The following ZNF423 variants were observed in gnomAD, a reference collection of about 807,000 sequenced individuals.
The protein encoded by ZNF423 is Ebf-associated zinc finger protein.
A neutral mutation model predicts 95.8 loss-of-function variants in ZNF423; 12 were observed. That is an observed-to-expected ratio of 0.13 (90% CI 0.08 to 0.20). ZNF423 has a LOEUF of 0.20. ZNF423 is among the 10% of genes least tolerant of loss of function. The pLI is 1.00. For missense variants in ZNF423, 1,316 were observed against 1,737.1 expected, an observed-to-expected ratio of 0.76 and a Z score of 4.31; for synonymous variants, 749 against 711.9, an observed-to-expected ratio of 1.05 and a Z score of -0.83.
At chr16:49,639,129 A>G (rs1423804597) in intron 3 of ZNF423, among the ~76,000 whole-genome samples, 1 of 152,210 alleles carries the variant, frequency 6.6e-6, no homozygotes, top group Admixed American at 6.5e-5. Context: ...TGGACCTGGC[A>G]GGACATGATA....
chr16:49,493,964 T>C (rs955569893), intron 7 of ZNF423, among the ~76,000 whole-genome samples: 2 of 152,126 alleles, frequency 1.3e-5, no homozygotes, highest in African/African-American at 4.8e-5. Context: ...TGATATTCGA[T>C]CTCCACAAAA....
intron 2 of ZNF423, among the ~76,000 whole-genome samples, chr16:49,733,554 C>T (rs1229017355): frequency 6.6e-6 from 1 of 152,134 alleles, no homozygotes; most frequent in Non-Finnish European, 1.5e-5. Flanking sequence ...ATAAAGTCAT[C>T]CAAGAGTATA....
chr16:49,710,656 G>A (rs1240040516), intron 3 of ZNF423, among the ~76,000 whole-genome samples: 1 of 152,152 alleles, frequency 6.6e-6, no homozygotes, highest in African/African-American at 2.4e-5. Context: ...GCTCTTAATG[G>A]TGGGAAAACA....
intron 3 of ZNF423, among the ~76,000 whole-genome samples, chr16:49,655,565 G>A (rs16947798): frequency 0.14 from 21,112 of 152,200 alleles, 1,693 homozygotes; most frequent in East Asian, 0.21. Context: ...AGTCACTGTG[G>A]ACAGCAGAAG....
intron 7 of ZNF423, among the ~76,000 whole-genome samples, chr16:49,523,345 A>T (rs1242502356): frequency 2.0e-5 from 3 of 152,246 alleles, no homozygotes. Context: ...GGGAAATTGG[A>T]ATCCCCAAGA....
At chr16:49,549,195 G>T in intron 5 of ZNF423, among the ~76,000 whole-genome samples, 1 of 152,192 alleles carries the variant, frequency 6.6e-6, no homozygotes, top group East Asian at 1.9e-4. Flanking sequence ...TCCTGGGGCC[G>T]TGGGGCTCTT....
Position 49,575,705 on chromosome 16 carries a change from CT to C in ZNF423, c.3602-50212del, listed in dbSNP as rs376747726. On this transcript the variant is annotated intron_variant, in intron 5 of 7. Coordinates refer to ENST00000563137, the MANE Select transcript of ZNF423 (RefSeq NM_001379286.1). ...GCAGCATTTGCCCTGGGTGTCCCGA[CT>C]TCCAAGCCAGCCCTTCTCAAACTTG... Among the ~76,000 whole-genome samples the C allele has an allele frequency of 4.7e-4, 72 of 152,354 alleles. No homozygotes were observed. In the East Asian group the frequency reaches 0.011, roughly 22 times the overall value.
Position 49,795,619 on chromosome 16 carries a change from G to C in ZNF423, c.41-6073C>G, listed in dbSNP as rs549531305. Among the ~76,000 whole-genome samples the C allele has an allele frequency of 3.5e-4, 54 of 152,314 alleles. 1 individual carries two copies. The highest frequency in any genetic ancestry group is 1.2e-3 in the African/African-American group (51 of 41,584). On this transcript the variant is annotated intron_variant, in intron 1 of 7. Transcript: ENST00000563137. Reference sequence around the variant, plus strand: ...CCCAAGGGCACCACAGTAGCCCTGCGAGGAGCTCCTGCTAAAACACTTCAC... The same window carrying C: ...CCCAAGGGCACCACAGTAGCCCTGCCAGGAGCTCCTGCTAAAACACTTCAC...
intron 7 of ZNF423, chr16:49,518,275 C>A: frequency 5.1e-6 from 2 of 388,658 alleles, no homozygotes; most frequent in Non-Finnish European, 1.0e-5. Flanking sequence ...CATACATGAC[C>A]CCCAAGGTAA....
intron 2 of ZNF423, among the ~76,000 whole-genome samples, chr16:49,764,085 A>T (rs2033881959): frequency 6.6e-6 from 1 of 152,164 alleles, no homozygotes; most frequent in Non-Finnish European, 1.5e-5. Context: ...AAGAGGGAGG[A>T]GGTCGATGTA....
chr16:49,570,023 C>T (rs1294640491), intron 5 of ZNF423, among the ~76,000 whole-genome samples: 2 of 152,180 alleles, frequency 1.3e-5, no homozygotes, highest in African/African-American at 4.8e-5. Context: ...TCTGACCCTC[C>T]TCACCTATGG....
intron 5 of ZNF423, among the ~76,000 whole-genome samples, chr16:49,559,611 TTGA>T (rs1969952230): frequency 6.6e-6 from 1 of 152,094 alleles, no homozygotes; most frequent in African/African-American, 2.4e-5. Flanking sequence ...GGAAGAAGAG[TTGA>T]TGACAACATG....
At chr16:49,845,003 C>G (rs983541291) in intron 1 of ZNF423, among the ~76,000 whole-genome samples, 18 of 121,766 alleles carry the variant, frequency 1.5e-4, no homozygotes, top group African/African-American at 5.3e-4. Flanking sequence ...CCATTGCACT[C>G]AAGCCTGGGC....
intron 3 of ZNF423, among the ~76,000 whole-genome samples, chr16:49,702,911 A>ACG (rs1240666323): frequency 9.5e-5 from 2 of 21,042 alleles, no homozygotes; most frequent in African/African-American, 2.1e-4. Context: ...GTGCACACGC[A>ACG]CACACACACA....
At chr16:49,514,637 C>T (rs1737524085) in intron 7 of ZNF423, among the ~76,000 whole-genome samples, 1 of 152,192 alleles carries the variant, frequency 6.6e-6, no homozygotes, top group Non-Finnish European at 1.5e-5. Context: ...GAATACCTAG[C>T]TCTGCTTTTA....
intron 7 of ZNF423, among the ~76,000 whole-genome samples, chr16:49,516,259 G>A (rs1353924504): frequency 1.3e-5 from 2 of 152,190 alleles, no homozygotes; most frequent in East Asian, 3.9e-4. Context: ...GGCTTGGTGG[G>A]ATGCCACACA....
intron 5 of ZNF423, among the ~76,000 whole-genome samples, chr16:49,525,971 G>T (rs1968588427): frequency 6.6e-6 from 1 of 152,234 alleles, no homozygotes; most frequent in South Asian, 2.1e-4. Context: ...CTCTGGTGGT[G>T]GGGTAGACAG....
intron 1 of ZNF423, among the ~76,000 whole-genome samples, chr16:49,820,719 C>T (rs1340105456): frequency 6.6e-6 from 1 of 152,176 alleles, no homozygotes; most frequent in Non-Finnish European, 1.5e-5. Flanking sequence ...ATTTAAGAAT[C>T]TCGTTTCATT....
At chr16:49,727,339 C>CG (rs539188397) in intron 3 of ZNF423, among the ~76,000 whole-genome samples, 16 of 152,164 alleles carry the variant, frequency 1.1e-4, no homozygotes, top group East Asian at 3.9e-4. Flanking sequence ...AGGTTGGGGA[C>CG]GGGGGGGTCT....
Sources: allele counts gnomAD v4.1 joint callset (sites outside exome capture counted in the v4.1 genomes callset), GRCh38; gene constraint gnomAD v4.1.1; transcripts MANE v1.5; gene names NCBI Gene and HGNC (gene_info 2026-07-23, HGNC 2026-07-21).